Variants in BAZ2A observed in about 807,000 individuals in gnomAD.
BAZ2A encodes bromodomain adjacent to zinc finger domain protein 2A.
Under a neutral mutation model 199.9 loss-of-function variants are expected in BAZ2A, and 34 were observed. That is an observed-to-expected ratio of 0.17 (90% confidence interval 0.13 to 0.23). The LOEUF (loss-of-function observed/expected upper bound fraction) is 0.23. Among genes scored for constraint, BAZ2A ranks in the 10% least tolerant of loss-of-function variants. The pLI is 1.00. For synonymous variants in BAZ2A, 857 were observed against 883.9 expected, an observed-to-expected ratio of 0.97 and a Z score of 0.54; for missense variants, 2,002 against 2,391.1, an observed-to-expected ratio of 0.84 and a Z score of 3.39.
intron 1 of BAZ2A, among the ~76,000 whole-genome samples, chr12:56,629,759 T>TCCCCAC (rs1951235957): frequency 8.6e-6 from 1 of 116,328 alleles, no homozygotes; most frequent in Non-Finnish European, 1.8e-5. Flanking sequence ...GCTCAGGCAA[T>TCCCCAC]CCCCACCCCC....
At chr12:56,627,853 GAGAAA>G (rs928724071) in intron 1 of BAZ2A, among the ~76,000 whole-genome samples, 4 of 146,088 alleles carry the variant, frequency 2.7e-5, no homozygotes, top group South Asian at 2.2e-4. Context: ...AAGAAAGAAA[GAGAAA>G]AGAAAAGAGA....
rs777465951 is a variant in BAZ2A at position 56,600,231 on chromosome 12, T to A, written c.4862A>T (p.Asn1621Ile). 10 of 1,613,812 alleles carry A rather than the reference T, an allele frequency of 6.2e-6. No individual in the cohort carries two copies. The highest frequency in any genetic ancestry group is 6.8e-6 in the Non-Finnish European group (8 of 1,179,836). The change falls in exon 24 of 29, where the codon AAT becomes ATT. Residue 1621 changes from asparagine to isoleucine, a missense_variant. By Grantham distance (149) the Asn-to-Ile change is moderately radical. Around this residue, in one of 6 missense-constraint regions of BAZ2A, gnomAD observed 1,081 missense variants for 1,274.7 expected, o/e 0.85. Coordinates refer to ENST00000549884, the MANE Select transcript of BAZ2A (RefSeq NM_001300905.2). ...VLEKALLSTP[N>I]GAPEGTTTEI... ...TGTAGTGGTGCCCTCAGGGGCACCATTAGGTGTGCTAAGCAGGGCCTTCTC... is the reference window on the plus strand; with the variant it reads ...TGTAGTGGTGCCCTCAGGGGCACCAATAGGTGTGCTAAGCAGGGCCTTCTC...
rs189967588 is a variant in BAZ2A at position 56,604,825 on chromosome 12, G to A, written c.2749-26C>T. The A allele has an allele frequency of 5.2e-4, 836 of 1,604,950 alleles. 5 individuals carry two copies. In the East Asian group the frequency reaches 0.01, roughly 20 times the overall value. Reference sequence around the variant, plus strand: ...CTGTGTGGAGGACAGCATAATGGGGGTGAGTAGGGAAAGATGCACAACCAA... The same window carrying A: ...CTGTGTGGAGGACAGCATAATGGGGATGAGTAGGGAAAGATGCACAACCAA... On this transcript the variant is annotated intron_variant, in intron 14 of 28. Coordinates refer to ENST00000549884, the MANE Select transcript of BAZ2A (RefSeq NM_001300905.2).
intron 1 of BAZ2A, chr12:56,621,055 C>T (rs1950905894): frequency 2.0e-6 from 2 of 985,168 alleles, no homozygotes; most frequent in Non-Finnish European, 2.4e-6. Flanking sequence ...CCTGGAAATA[C>T]TATGCCTAGA....
rs1409538927 is a variant in BAZ2A at position 56,599,150 on chromosome 12, T to C, written c.5381A>G (p.His1794Arg). 5 of 1,612,148 alleles carry C rather than the reference T, an allele frequency of 3.1e-6. No individual in the cohort carries two copies. Among genetic ancestry groups the C allele is most frequent in the Non-Finnish European group, 4.2e-6 (5 of 1,179,326 alleles). Residue 1794 changes from histidine to arginine, a missense_variant, in exon 27 of 29, where the codon CAC (histidine) becomes CGC (arginine). His to Arg is a conservative substitution (Grantham distance 29, BLOSUM62 0). Transcript: ENST00000549884. Reference sequence around the variant, plus strand: ...TCACTCGCAAAATGTGAGATCACTGTGGTGGTTCCGCATAGAGAGTCGCCG... The same window carrying C: ...TCACTCGCAAAATGTGAGATCACTGCGGTGGTTCCGCATAGAGAGTCGCCG... ...KRRRLSMRNH[H>R]SDLTFCEIIL... is the part of the protein sequence containing the mutation.
At chr12:56,630,851 G>T, upstream of BAZ2A, 1 of 985,484 alleles carries the variant, frequency 1.0e-6, no homozygotes, top group African/African-American at 1.7e-5. Flanking sequence ...CCTGGTCACC[G>T]GAAAGGAAAG....
chr12:56,630,145 C>T lies in BAZ2A; in HGVS notation c.-23G>A. The stretch of plus-strand genomic sequence containing the variant: ...CAAACCTGAGGCAGCGGCGTCCAGC[C>T]GGGCTCGGGGCTCGTCTCTCCCCGG... On this transcript the variant is annotated 5_prime_UTR_variant, in exon 1 of 29. Coordinates refer to ENST00000549884, the MANE Select transcript of BAZ2A (RefSeq NM_001300905.2). The T allele has an allele frequency of 4.1e-6, 4 of 985,572 alleles. No individual in the cohort carries two copies. Among genetic ancestry groups the T allele is most frequent in the Non-Finnish European group, 4.8e-6 (4 of 830,008 alleles). The allele number at this position is 985,572 out of a possible 1,614,324, so 61.1% of individuals were successfully genotyped here. A position where few individuals can be genotyped will look rare whatever the true frequency, so the allele number is the denominator to read the frequency against.
At chr12:56,636,104 G>T (rs891298584) in intron 1 of BAZ2A, 55 of 1,476,608 alleles carry the variant, frequency 3.7e-5, no homozygotes, top group Non-Finnish European at 4.6e-5. Flanking sequence ...GCAAAGGTTA[G>T]GCCCCACCCC....
At chr12:56,633,640 A>G (rs74095032), upstream of BAZ2A, among the ~76,000 whole-genome samples, 508 of 151,718 alleles carry the variant, frequency 3.3e-3, 1 homozygote, top group African/African-American at 0.012. Flanking sequence ...GGTTAAAGCA[A>G]AAGTCTTCAC....
In BAZ2A at chr12:56,600,028, T is replaced by C. The variant is rs1410689022; in HGVS notation, c.4961A>G (p.Gln1654Arg). The C allele has an allele frequency of 4.3e-6, 7 of 1,613,986 alleles. No homozygotes were observed. The highest frequency in any genetic ancestry group is 1.3e-5 in the African/African-American group (1 of 75,050). The stretch of plus-strand genomic sequence containing the variant: ...CAGCTGGCCCAGGCACAAGCACACC[T>C]GGGCTGCGCTCCGGCACCGCTCGAG... ...QTLERCRSAA[Q>R]VCLCLGQLER... Residue 1654 changes from glutamine to arginine, a missense_variant, in exon 25 of 29, where the codon CAG becomes CGG. This residue lies in a region of BAZ2A where 1,081 missense variants were observed against 1,274.7 expected (regional missense o/e 0.85). Coordinates refer to ENST00000549884, the MANE Select transcript of BAZ2A (RefSeq NM_001300905.2).
At chr12:56,629,533 G>A (rs1951224451) in intron 1 of BAZ2A, among the ~76,000 whole-genome samples, 1 of 152,084 alleles carries the variant, frequency 6.6e-6, no homozygotes, top group Non-Finnish European at 1.5e-5. Context: ...GATTCTCCCG[G>A]GACGCGAGGG....
At chr12:56,627,303 C>A (rs566016758) in intron 1 of BAZ2A, among the ~76,000 whole-genome samples, 1 of 151,942 alleles carries the variant, frequency 6.6e-6, no homozygotes, top group South Asian at 2.1e-4. Context: ...CCCTTCTCTA[C>A]TAAAAATACA....
chr12:56,623,222 C>T (rs140686273), intron 1 of BAZ2A, among the ~76,000 whole-genome samples: 6 of 150,608 alleles, frequency 4.0e-5, no homozygotes, highest in East Asian at 1.9e-4. Context: ...GGCGACAGAG[C>T]GAGACTCCAT....
In BAZ2A at chr12:56,605,268, G is replaced by A; in HGVS notation, c.2553C>T (p.Asp851=). ...GCAGGAACTCCACAATGGTCAAGCA[G>A]TCTGAGAAGGCTCCACTGGGCAATG... ...GLTLPSGAFS[D]CLTIVEFLHS... The change falls in exon 14 of 29, where the codon GAC becomes GAT. Residue 851 remains aspartate (D), a synonymous_variant. Transcript: ENST00000549884. 6 of 1,613,854 alleles carry A rather than the reference G, an allele frequency of 3.7e-6. No individual in the cohort carries two copies. The highest frequency in any genetic ancestry group is 4.2e-6 in the Non-Finnish European group (5 of 1,179,822).
At chr12:56,606,843 G>T in intron 10 of BAZ2A, 110 bp from the exon 11 acceptor site, 1 of 819,212 alleles carries the variant, frequency 1.2e-6, no homozygotes, top group Non-Finnish European at 2.1e-6. Flanking sequence ...GCTCCCTGAA[G>T]AATCTAGAGT....
At chr12:56,636,410 C>T (rs529666880), upstream of BAZ2A, 41 of 1,361,314 alleles carry the variant, frequency 3.0e-5, no homozygotes, top group Middle Eastern at 8.6e-4. Flanking sequence ...AAGGGCGGGG[C>T]TTTCTCTGGG....
In BAZ2A at chr12:56,611,991, A is replaced by C; in HGVS notation, c.1391T>G (p.Phe464Cys). The change falls in exon 6 of 29, where the codon TTC becomes TGC. Residue 464 changes from phenylalanine (F) to cysteine (C), a missense_variant. Transcript: ENST00000549884. ...TGAGGAAGCTGGAGAGACCACTGAG[A>C]AGACTGCTGGAGAGACAACTGTAGA... is the stretch of plus-strand genomic sequence containing the variant. ...AASTVVSPAV[F>C]SVVSPASSAV... is the part of the protein sequence containing the mutation. 6.2e-7 allele frequency: 1 copy of C among 1,613,512 alleles called. No individual in the cohort carries two copies. Among genetic ancestry groups the C allele is most frequent in the Non-Finnish European group, 8.5e-7 (1 of 1,179,730 alleles).
In BAZ2A at chr12:56,601,919, G is replaced by A. The variant is rs1279410527; in HGVS notation, c.3698C>T (p.Pro1233Leu). ...AQLHAPAQPQ[P>L]QLQLQLQSHK... ...GGACTGAAGCTGAAGCTGAAGCTGA[G>A]GCTGGGGCTGGGCAGGAGCATGAAG... Residue 1233 changes from proline (P) to leucine (L), a missense_variant, in exon 20 of 29, where the codon CCT becomes CTT. Physicochemically the swap from Pro to Leu is moderately conservative, Grantham distance 98. Coordinates refer to ENST00000549884, the MANE Select transcript of BAZ2A (RefSeq NM_001300905.2). The A allele has an allele frequency of 1.0e-5, 16 of 1,593,706 alleles. No homozygotes were observed. In the South Asian group the frequency reaches 1.7e-4, roughly 17 times the overall value.
Position 56,613,128 on chromosome 12 carries a change from G to A in BAZ2A, c.1022C>T (p.Pro341Leu), listed in dbSNP as rs752401686. ...DSPVISALDC[P>L]SLNNATAFSL... ...GAAGGCAGTAGCATTATTGAGGGAAGGGCAATCAAGGGCAGAAATCACAGG... is the reference window on the plus strand; with the variant it reads ...GAAGGCAGTAGCATTATTGAGGGAAAGGCAATCAAGGGCAGAAATCACAGG... The change falls in exon 5 of 29, where the codon CCT becomes CTT. Residue 341 changes from proline to leucine, a missense_variant. Pro to Leu is a moderately conservative substitution (Grantham distance 98, BLOSUM62 -3). This residue lies in a region of BAZ2A where 641 missense variants were observed against 694.5 expected (regional missense o/e 0.92). Transcript: ENST00000549884. 3.7e-6 allele frequency: 6 copies of A among 1,614,004 alleles called. No homozygotes were observed. The South Asian group carries it at 4.4e-5, about 12-fold the overall frequency.
Sources: gnomAD v4.1 joint callset for allele counts (sites outside exome capture counted in the v4.1 genomes callset) on GRCh38, gnomAD v4.1.1 for gene constraint, gnomAD v4.1.1 regional missense constraint, MANE v1.5 for transcripts, NCBI Gene and HGNC (gene_info 2026-07-23, HGNC 2026-07-21) for gene names.